HECW2: variants seen among roughly 807,000 people sequenced by gnomAD.
HECW2 encodes HECT, C2 and WW domain containing E3 ubiquitin protein ligase 2.
Under a neutral mutation model 175.2 loss-of-function variants are expected in HECW2, and 61 were observed. That is an observed-to-expected ratio of 0.35 (90% CI 0.28 to 0.43). The LOEUF (loss-of-function observed/expected upper bound fraction) is 0.43. Among genes scored for constraint, HECW2 ranks in the 20% least tolerant of loss-of-function variants. The probability of loss-of-function intolerance (pLI) is 1.00; values close to 1 mark genes in which losing one functional copy is unlikely to be tolerated. For missense variants in HECW2, 1,524 were observed against 2,000.5 expected, an observed-to-expected ratio of 0.76 and a Z score of 4.54; for synonymous variants, 671 against 731.0, an observed-to-expected ratio of 0.92 and a Z score of 1.32.
At chr2:196,537,865 T>C (rs1389854625) in intron 1 of HECW2, among the ~76,000 whole-genome samples, 3 of 152,228 alleles carry the variant, frequency 2.0e-5, no homozygotes, top group Admixed American at 6.5e-5. Flanking sequence ...TCACAAACCC[T>C]TGTAACAGAG....
intron 16 of HECW2, among the ~76,000 whole-genome samples, chr2:196,273,726 G>A (rs564968571): frequency 6.6e-6 from 1 of 152,150 alleles, no homozygotes; most frequent in African/African-American, 2.4e-5. Context: ...ATTGCATAAT[G>A]TATTACCTTA....
chr2:196,478,817 G>C (rs1398654914), intron 1 of HECW2, among the ~76,000 whole-genome samples: 1 of 152,012 alleles, frequency 6.6e-6, no homozygotes, highest in Non-Finnish European at 1.5e-5. Context: ...GCACCAGTTA[G>C]AACAAGCAGG....
chr2:196,506,865 C>A (rs1284637752), intron 1 of HECW2, among the ~76,000 whole-genome samples: 1 of 152,056 alleles, frequency 6.6e-6, no homozygotes, highest in East Asian at 1.9e-4. Context: ...TTTGGAAAAA[C>A]ACTGCTACAG....
intron 1 of HECW2, among the ~76,000 whole-genome samples, chr2:196,569,147 G>A (rs1690286533): frequency 6.6e-6 from 1 of 152,022 alleles, no homozygotes; most frequent in Non-Finnish European, 1.5e-5. Context: ...GACCAGCCTG[G>A]GCAACATAGT....
intron 1 of HECW2, among the ~76,000 whole-genome samples, chr2:196,521,309 A>G (rs1398977197): frequency 6.8e-6 from 1 of 147,178 alleles, no homozygotes; most frequent in African/African-American, 2.5e-5. Context: ...AAAAAAAAAG[A>G]AAGAAAAAGA....
Position 196,329,611 on chromosome 2 carries a change from G to T in HECW2, c.535C>A (p.Leu179Met), listed in dbSNP as rs1692282390. Reference sequence around the variant, plus strand: ...AAGCTAACAAGTTTTCGAGAATGCAGGTTTCCTGAAGCACCTCCCTCCATG... The same window carrying T: ...AAGCTAACAAGTTTTCGAGAATGCATGTTTCCTGAAGCACCTCCCTCCATG... ...EGMEGGASGN[L>M]HSRKLVSFTL... The change falls in exon 5 of 29, where the codon CTG becomes ATG. Residue 179 changes from leucine (L) to methionine (M), a missense_variant. By Grantham distance (15) the Leu-to-Met change is conservative. Coordinates refer to ENST00000644978, the MANE Select transcript of HECW2 (RefSeq NM_001348768.2). 1 of 1,613,594 alleles carries T rather than the reference G, an allele frequency of 6.2e-7. No individual in the cohort carries two copies. Among genetic ancestry groups the T allele is most frequent in the South Asian group, 1.1e-5 (1 of 91,082 alleles).
chr2:196,265,556 T>C (rs939934490), intron 17 of HECW2, among the ~76,000 whole-genome samples: 1 of 152,148 alleles, frequency 6.6e-6, no homozygotes, highest in Non-Finnish European at 1.5e-5. Flanking sequence ...AGAATCACAC[T>C]GGTCCATTTA....
In HECW2 at chr2:196,199,625, T is replaced by C. The variant is rs1171578863; in HGVS notation, c.*1652A>G. On this transcript the variant is annotated 3_prime_UTR_variant, in exon 29 of 29. Coordinates refer to ENST00000644978, the MANE Select transcript of HECW2 (RefSeq NM_001348768.2). ...ATAAATATAGATCTCAAAGAAATGTTTGGGCAATGCCTGTAAACCCATAGG... is the reference window on the plus strand; with the variant it reads ...ATAAATATAGATCTCAAAGAAATGTCTGGGCAATGCCTGTAAACCCATAGG... 2.6e-5 allele frequency: 4 copies of C among 152,562 alleles called. No homozygotes were observed. The highest frequency in any genetic ancestry group is 5.9e-5 in the Non-Finnish European group (4 of 68,018). 9.5% of individuals were successfully genotyped at this position (152,562 alleles called of 1,614,324 possible). A position where few individuals can be genotyped will look rare whatever the true frequency, so the allele number is the denominator to read the frequency against.
At chr2:196,578,679 G>C (rs951582995) in intron 1 of HECW2, among the ~76,000 whole-genome samples, 5 of 152,136 alleles carry the variant, frequency 3.3e-5, no homozygotes, top group African/African-American at 1.2e-4. Context: ...AGAAACCAAG[G>C]ATGCCAAAAG....
At chr2:196,529,773 G>C (rs556496198) in intron 1 of HECW2, among the ~76,000 whole-genome samples, 1 of 152,312 alleles carries the variant, frequency 6.6e-6, no homozygotes, top group South Asian at 2.1e-4. Context: ...ACAATGTCTG[G>C]CCACCTGGCC....
Position 196,209,775 on chromosome 2 carries a change from T to C in HECW2, c.4607+6090A>G, listed in dbSNP as rs1005951101. On this transcript the variant is annotated intron_variant, in intron 28 of 28. Transcript: ENST00000644978. Reference sequence around the variant, plus strand: ...TTTCTTTCTTTCTTTCTTTTTTTTTTTTTTTTGAGACGGAGTCTGGCTCTG... The same window carrying C: ...TTTCTTTCTTTCTTTCTTTTTTTTTCTTTTTTGAGACGGAGTCTGGCTCTG... Among the ~76,000 whole-genome samples, 4 of 151,402 alleles carry C rather than the reference T, an allele frequency of 2.6e-5. 1 individual carries two copies. Among genetic ancestry groups the C allele is most frequent in the African/African-American group, 9.7e-5 (4 of 41,306 alleles).
intron 28 of HECW2, among the ~76,000 whole-genome samples, chr2:196,210,742 T>A (rs538153263): frequency 1.3e-5 from 2 of 151,574 alleles, no homozygotes; most frequent in South Asian, 4.2e-4. Flanking sequence ...GCCTCCCGAG[T>A]AGCTGGGATT....
intron 1 of HECW2, among the ~76,000 whole-genome samples, chr2:196,489,138 G>C (rs148198472): frequency 1.3e-5 from 2 of 152,292 alleles, no homozygotes; most frequent in African/African-American, 4.8e-5. Flanking sequence ...GAGGTAATAA[G>C]TCCTTGGCAT....
At chr2:196,403,314 A>T (rs1694873348) in intron 2 of HECW2, among the ~76,000 whole-genome samples, 3 of 152,226 alleles carry the variant, frequency 2.0e-5, no homozygotes, top group African/African-American at 7.2e-5. Context: ...ATACATGTTC[A>T]GGAACATGAT....
At chr2:196,282,247 C>A (rs1690215614) in intron 14 of HECW2, among the ~76,000 whole-genome samples, 1 of 152,158 alleles carries the variant, frequency 6.6e-6, no homozygotes, top group Non-Finnish European at 1.5e-5. Context: ...GACAGATGAT[C>A]CTTCGTTCTG....
chr2:196,299,360 T>C (rs1401460643), intron 13 of HECW2, among the ~76,000 whole-genome samples: 1 of 149,782 alleles, frequency 6.7e-6, no homozygotes. Context: ...AGCTGCTTAG[T>C]ATTTTCATAC....
At chr2:196,566,526 T>G (rs563499314) in intron 1 of HECW2, among the ~76,000 whole-genome samples, 1 of 149,672 alleles carries the variant, frequency 6.7e-6, no homozygotes, top group Non-Finnish European at 1.5e-5. Flanking sequence ...AACTATACTT[T>G]TCTTTTTCTT....
intron 1 of HECW2, among the ~76,000 whole-genome samples, chr2:196,581,749 T>C (rs952247682): frequency 3.9e-5 from 6 of 152,114 alleles, no homozygotes; most frequent in African/African-American, 7.2e-5. Context: ...ATTTGGACTA[T>C]GATAGATGCT....
At chr2:196,241,610 T>C (rs1034144110) in intron 20 of HECW2, among the ~76,000 whole-genome samples, 6 of 152,146 alleles carry the variant, frequency 3.9e-5, no homozygotes, top group African/African-American at 1.4e-4. Context: ...GTTTCCCCAT[T>C]TGAAAGGAGG....
Sources: gnomAD v4.1 joint callset for allele counts (sites outside exome capture counted in the v4.1 genomes callset) on GRCh38, gnomAD v4.1.1 for gene constraint, MANE v1.5 for transcripts, NCBI Gene and HGNC (gene_info 2026-07-23, HGNC 2026-07-21) for gene names.